The following NRROS variants were observed in gnomAD, a reference collection of about 807,000 sequenced individuals.
The protein encoded by NRROS is transforming growth factor beta activator LRRC33.
NRROS carries 6 observed loss-of-function variants against 12.0 expected under a neutral mutation model. That is an observed-to-expected ratio of 0.50 (90% CI 0.27 to 0.98). The LOEUF is 0.98. NRROS is among the 50% of genes least tolerant of loss of function. The pLI is 0.11. For missense variants in NRROS, 857 were observed against 888.2 expected, an observed-to-expected ratio of 0.96 and a Z score of 0.45; for synonymous variants, 462 against 410.2, an observed-to-expected ratio of 1.13 and a Z score of -1.53.
chr3:196,640,996 G>A (rs1262316662), intron 1 of NRROS, among the ~76,000 whole-genome samples: 2 of 152,126 alleles, frequency 1.3e-5, no homozygotes, highest in African/African-American at 2.4e-5. Flanking sequence ...TGGATGCTGA[G>A]GGTTTGCTGG....
chr3:196,642,755 T>C (rs1477569176), intron 1 of NRROS, among the ~76,000 whole-genome samples: 1 of 152,066 alleles, frequency 6.6e-6, no homozygotes, highest in Non-Finnish European at 1.5e-5. Context: ...CACTACTGAA[T>C]TGTACACCTA....
Position 196,660,301 on chromosome 3 carries a change from A to C in NRROS, c.658A>C (p.Ile220Leu), listed in dbSNP as rs1319825818. The C allele has an allele frequency of 3.1e-6, 5 of 1,613,896 alleles. No individual in the cohort carries two copies. Among genetic ancestry groups the C allele is most frequent in the Non-Finnish European group, 4.2e-6 (5 of 1,180,022 alleles). Residue 220 changes from isoleucine (I) to leucine (L), a missense_variant, in exon 3 of 3, where the codon ATC (isoleucine) becomes CTC (leucine). By Grantham distance (5) the Ile-to-Leu change is conservative. Transcript: ENST00000328557. The surrounding 1 kb of genome is among the most constrained non-coding windows in gnomAD (Gnocchi z 7.7). ...LNLAFNNLPCIVDFGLTRLRV... is the reference protein window; with the variant it reads ...LNLAFNNLPCLVDFGLTRLRV... ...CCTGGCCTTCAACAACCTCCCCTGC[A>C]TCGTGGACTTCGGGCTCACGCGGCT...
Position 196,659,792 on chromosome 3 carries a change from C to G in NRROS, c.149C>G (p.Ser50Trp), listed in dbSNP as rs200138422. 8.7e-6 allele frequency: 14 copies of G among 1,613,130 alleles called. No individual in the cohort carries two copies. Among genetic ancestry groups the G allele is most frequent in the Non-Finnish European group, 1.0e-5 (12 of 1,179,596 alleles). The change falls in exon 3 of 3, where the codon TCG becomes TGG. Residue 50 changes from serine to tryptophan, a missense_variant. Coordinates refer to ENST00000328557, the MANE Select transcript of NRROS (RefSeq NM_198565.3). ...GACTGCCGAGGGCAGAGCCTCGCTT[C>G]GGTGCCCAGCAGCCTCCCGCCCCAC... is the stretch of plus-strand genomic sequence containing the variant. The part of the protein sequence containing the change: ...AADCRGQSLA[S>W]VPSSLPPHAR...
rs776180823 is a variant in NRROS, at chr3:196,660,744, T to G, written c.1101T>G (p.Leu367=). The stretch of plus-strand genomic sequence containing the variant: ...TCCACCAGAATTGCCTGATGACGCT[T>G]CACATTCGGGAGCACGAGCCCCCCG... ...LNLHQNCLMT[L]HIREHEPPGA... The change falls in exon 3 of 3, where the codon CTT becomes CTG. Residue 367 remains leucine, a synonymous_variant. Transcript: ENST00000328557. This position sits in a 1 kb window ranked among gnomAD's most constrained non-coding sequence, Gnocchi z 7.7. The G allele has an allele frequency of 6.8e-6, 11 of 1,613,962 alleles. No homozygotes were observed. In the East Asian group the frequency reaches 2.5e-4, roughly 36 times the overall value.
At chr3:196,641,088 A>G (rs1737199653) in intron 1 of NRROS, among the ~76,000 whole-genome samples, 1 of 152,138 alleles carries the variant, frequency 6.6e-6, no homozygotes, top group Admixed American at 6.6e-5. Context: ...CCTAAAGGAG[A>G]TTATAGAATC....
intron 1 of NRROS, among the ~76,000 whole-genome samples, chr3:196,646,406 G>T (rs1179634267): frequency 6.6e-6 from 1 of 152,236 alleles, no homozygotes; most frequent in Admixed American, 6.5e-5. Context: ...ATAGAAAGGT[G>T]ACACCGAGGA....
intron 1 of NRROS, among the ~76,000 whole-genome samples, chr3:196,649,621 G>C (rs193205222): frequency 1.3e-5 from 2 of 152,022 alleles, no homozygotes; most frequent in African/African-American, 4.8e-5. Flanking sequence ...ACAGGCGCCC[G>C]CCACCGCGCC....
At chr3:196,640,016 T>G (rs1350620737) in intron 1 of NRROS, 141 bp downstream of exon 1, 2 of 152,418 alleles carry the variant, frequency 1.3e-5, no homozygotes, top group Admixed American at 6.5e-5. Context: ...TGTGGCTTGC[T>G]GCGTCCAAGC....
At chr3:196,644,277 A>G (rs1213124226) in intron 1 of NRROS, among the ~76,000 whole-genome samples, 3 of 151,870 alleles carry the variant, frequency 2.0e-5, no homozygotes, top group African/African-American at 7.3e-5. Context: ...CAGGCACCGC[A>G]TGGCACAGCT....
chr3:196,661,113 A>T lies in NRROS; in HGVS notation c.1470A>T (p.Leu490Phe). The T allele has an allele frequency of 6.2e-7, 1 of 1,613,844 alleles. No individual in the cohort carries two copies. Among genetic ancestry groups the T allele is most frequent in the Non-Finnish European group, 8.5e-7 (1 of 1,179,810 alleles). Residue 490 changes from leucine (L) to phenylalanine (F), a missense_variant, in exon 3 of 3, where the codon TTA (leucine) becomes TTT (phenylalanine). Leu to Phe is a conservative substitution (Grantham distance 22). Transcript: ENST00000328557. ...TCCAAGGGACCTCCCTGACCTACTT[A>T]GACCTCTCAAGCAACTGGGGGGTTC... Reference protein sequence around the residue: ...CPFQGTSLTYLDLSSNWGVLN... With the variant: ...CPFQGTSLTYFDLSSNWGVLN...
chr3:196,642,683 G>C (rs368669554), intron 1 of NRROS, among the ~76,000 whole-genome samples: 1 of 152,124 alleles, frequency 6.6e-6, no homozygotes, highest in African/African-American at 2.4e-5. Flanking sequence ...GATCAGACCC[G>C]AACACACAGA....
intron 1 of NRROS, among the ~76,000 whole-genome samples, chr3:196,647,359 T>A (rs1407063402): frequency 6.6e-6 from 1 of 152,214 alleles, no homozygotes; most frequent in Non-Finnish European, 1.5e-5. Flanking sequence ...ACAATTGTAT[T>A]GTCTATATTT....
At position 196,659,874 on chromosome 3, in the gene NRROS, C is replaced by G. The variant is rs2108643179; in HGVS notation, c.231C>G (p.Leu77=). ...TCAAGACCCTGTGGAATCACTCCCTCCAGCCTTACCCTCTCCTGGAGAGCC... is the reference window on the plus strand; with the variant it reads ...TCAAGACCCTGTGGAATCACTCCCTGCAGCCTTACCCTCTCCTGGAGAGCC... The part of the protein sequence containing the change: ...NPLKTLWNHS[L]QPYPLLESLS... Residue 77 remains leucine, a synonymous_variant, in exon 3 of 3, where the codon CTC becomes CTG. Transcript: ENST00000328557. 2 of 1,614,150 alleles carry G rather than the reference C, an allele frequency of 1.2e-6. No individual in the cohort carries two copies. The highest frequency in any genetic ancestry group is 1.7e-6 in the Non-Finnish European group (2 of 1,180,002).
At chr3:196,658,352 G>A (rs1298156949) in intron 2 of NRROS, among the ~76,000 whole-genome samples, 7 of 152,198 alleles carry the variant, frequency 4.6e-5, no homozygotes, top group Non-Finnish European at 7.3e-5. Flanking sequence ...AGAGAGAGGC[G>A]GAGGTGACAG....
chr3:196,660,346 T>C lies in NRROS; in HGVS notation c.703T>C (p.Tyr235His), dbSNP rs1382476334. The C allele has an allele frequency of 6.2e-7, 1 of 1,614,064 alleles. No individual in the cohort carries two copies. Among genetic ancestry groups the C allele is most frequent in the Non-Finnish European group, 8.5e-7 (1 of 1,180,016 alleles). The change falls in exon 3 of 3, where the codon TAC (tyrosine) becomes CAC (histidine). Residue 235 changes from tyrosine to histidine, a missense_variant. Tyr to His is a moderately conservative substitution (Grantham distance 83). Transcript: ENST00000328557. The surrounding 1 kb of genome is among the most constrained non-coding windows in gnomAD (Gnocchi z 7.7). The part of the protein sequence containing the change: ...LTRLRVLNVS[Y>H]NVLEWFLATG... ...GCGGCTGCGGGTCCTCAACGTCAGC[T>C]ACAACGTCCTGGAGTGGTTCCTCGC...
Position 196,660,547 on chromosome 3 carries a change from C to T in NRROS, c.904C>T (p.Gln302Ter). 6.2e-7 allele frequency: 1 copy of T among 1,614,170 alleles called. No homozygotes were observed. Among genetic ancestry groups the T allele is most frequent in the Non-Finnish European group, 8.5e-7 (1 of 1,180,042 alleles). The change falls in exon 3 of 3, where the codon CAG (glutamine) becomes TAG (stop). Residue 302 changes from glutamine (Q) to a stop codon, truncating the protein, a stop_gained. Coordinates refer to ENST00000328557, the MANE Select transcript of NRROS (RefSeq NM_198565.3). LOFTEE classifies it low-confidence loss of function (END_TRUNC). This position sits in a 1 kb window ranked among gnomAD's most constrained non-coding sequence, Gnocchi z 7.7. ...NTSSPREMVAQFLLVDGNVTN... is the reference protein window; with the variant it reads ...NTSSPREMVA ...CTCGTCGCCGAGGGAGATGGTGGCC[C>T]AGTTCCTCCTCGTGGACGGCAACGT...
chr3:196,646,126 A>G (rs1302881606), intron 1 of NRROS, among the ~76,000 whole-genome samples: 1 of 69,694 alleles, frequency 1.4e-5, no homozygotes, highest in African/African-American at 8.0e-5. Flanking sequence ...GTCTCGACAC[A>G]ACCCTGTGAG....
chr3:196,642,285 CAAAAAAGAAA>C (rs889478199), intron 1 of NRROS, among the ~76,000 whole-genome samples: 9 of 92,030 alleles, frequency 9.8e-5, no homozygotes, highest in Admixed American at 4.3e-4. Context: ...TATGCTTCGG[CAAAAAAGAAA>C]AAAAAAAAGG....
intron 1 of NRROS, among the ~76,000 whole-genome samples, chr3:196,644,410 A>AG (rs1268194892): frequency 1.3e-5 from 2 of 152,038 alleles, no homozygotes; most frequent in Non-Finnish European, 2.9e-5. Context: ...AAAAAAAAAA[A>AG]AAAAGTTAAA....
Sources: gnomAD v4.1 joint callset for allele counts (sites outside exome capture counted in the v4.1 genomes callset) on GRCh38, gnomAD v4.1.1 for gene constraint, Gnocchi (gnomAD v3.1) non-coding constraint, MANE v1.5 for transcripts, NCBI Gene and HGNC (gene_info 2026-07-23, HGNC 2026-07-21) for gene names.